The following NFATC1 variants were observed in gnomAD, a reference collection of about 807,000 sequenced individuals.
The protein encoded by NFATC1 is nuclear factor of activated T-cells, cytoplasmic 1.
Under a neutral mutation model 76.0 loss-of-function variants are expected in NFATC1, and 22 were observed. The observed-to-expected ratio is 0.29, with a 90% CI of 0.21 to 0.41. The LOEUF (loss-of-function observed/expected upper bound fraction) is 0.41, where lower values mean the gene tolerates loss of function less well. Among genes scored for constraint, NFATC1 ranks in the 10% least tolerant of loss-of-function variants. The pLI, the probability that NFATC1 is intolerant of heterozygous loss-of-function variation, is 1.00. For synonymous variants in NFATC1, 704 were observed against 613.1 expected, an observed-to-expected ratio of 1.15 and a Z score of -2.19; for missense variants, 1,357 against 1,337.7, an observed-to-expected ratio of 1.01 and a Z score of -0.23.
chr18:79,429,508 G>T (rs935201110), intron 2 of NFATC1, among the ~76,000 whole-genome samples: 8 of 152,160 alleles, frequency 5.3e-5, no homozygotes, highest in African/African-American at 1.9e-4. Context: ...TCCGGGGGAT[G>T]GGCTGGTCAG....
chr18:79,475,466 GGGAA>G (rs1337460069), intron 8 of NFATC1, among the ~76,000 whole-genome samples: 1 of 151,298 alleles, frequency 6.6e-6, no homozygotes, highest in Admixed American at 6.6e-5. Context: ...AACGTTGTGA[GGGAA>G]GGGTGTTTTC....
In NFATC1 at chr18:79,410,721, A is replaced by G. The variant is rs1293360917; in HGVS notation, c.446A>G (p.Lys149Arg). The G allele has an allele frequency of 1.9e-6, 3 of 1,612,914 alleles. No homozygotes were observed. The highest frequency in any genetic ancestry group is 1.1e-5 in the South Asian group (1 of 91,078). The change falls in exon 2 of 10, where the codon AAA (lysine) becomes AGA (arginine). Residue 149 changes from lysine (K) to arginine (R), a missense_variant. By Grantham distance (26) the Lys-to-Arg change is conservative. This residue lies in a region of NFATC1 where 691 missense variants were observed against 613.1 expected (regional missense o/e 1.13). Transcript: ENST00000427363. This position sits in a 1 kb window ranked among gnomAD's most constrained non-coding sequence, Gnocchi z 6.7. ...GTGGAAGACGTCCTCCCTAGCTCCA[A>G]ACGGTCCCCCTCCACGGCCACGCTG... Reference protein sequence around the residue: ...VEVEDVLPSSKRSPSTATLSL... With the variant: ...VEVEDVLPSSRRSPSTATLSL...
intron 8 of NFATC1, among the ~76,000 whole-genome samples, chr18:79,475,715 C>T (rs966644264): frequency 1.3e-5 from 2 of 152,210 alleles, no homozygotes; most frequent in African/African-American, 2.4e-5. Flanking sequence ...ACCAGGCCTC[C>T]CAGGAGACCT....
intron 3 of NFATC1, among the ~76,000 whole-genome samples, chr18:79,436,841 C>T (rs1416004963): frequency 6.6e-6 from 1 of 152,060 alleles, no homozygotes; most frequent in Non-Finnish European, 1.5e-5. Flanking sequence ...AGGCCAGCCC[C>T]CTCCAGTGAG....
intron 2 of NFATC1, among the ~76,000 whole-genome samples, chr18:79,432,543 G>C (rs1384790039): frequency 2.6e-5 from 4 of 152,252 alleles, no homozygotes; most frequent in Non-Finnish European, 4.4e-5. Context: ...GCAGTAGGCA[G>C]TGCTGGGGAG....
chr18:79,399,587 A>T (rs1339203873), intron 1 of NFATC1, among the ~76,000 whole-genome samples: 1 of 152,222 alleles, frequency 6.6e-6, no homozygotes, highest in Non-Finnish European at 1.5e-5. Flanking sequence ...CGCCGCGCAC[A>T]GGCTCGGGCC....
intron 2 of NFATC1, among the ~76,000 whole-genome samples, chr18:79,425,642 C>T (rs934088755): frequency 3.3e-5 from 5 of 152,136 alleles, no homozygotes; most frequent in Admixed American, 1.3e-4. Flanking sequence ...GGCGCGATTC[C>T]GGGATTCTCA....
intron 1 of NFATC1, among the ~76,000 whole-genome samples, chr18:79,408,076 T>C (rs1178214469): frequency 6.6e-6 from 1 of 152,232 alleles, no homozygotes; most frequent in Non-Finnish European, 1.5e-5. Context: ...GGCCACGGTG[T>C]GTCCTCTTAC....
At chr18:79,454,118 A>AG (rs1439962751) in intron 6 of NFATC1, among the ~76,000 whole-genome samples, 10 of 152,142 alleles carry the variant, frequency 6.6e-5, no homozygotes, top group Non-Finnish European at 1.2e-4. Context: ...TGAGCTCAGG[A>AG]GGGGAGGTTC....
At chr18:79,424,004 G>T (rs371324763) in intron 2 of NFATC1, among the ~76,000 whole-genome samples, 6 of 152,152 alleles carry the variant, frequency 3.9e-5, no homozygotes, top group African/African-American at 1.2e-4. Flanking sequence ...TCCTAAGGTT[G>T]CCCGGGCCGC....
chr18:79,451,145 G>A lies in NFATC1; in HGVS notation c.1762+19G>A, dbSNP rs373915774. 3.9e-5 allele frequency: 63 copies of A among 1,597,738 alleles called. No individual in the cohort carries two copies. The highest frequency in any genetic ancestry group is 1.8e-4 in the East Asian group (8 of 44,476). On this transcript the variant is annotated intron_variant, in intron 5 of 9. Transcript: ENST00000427363. ...GAATGCTGTAAGTGGACGTCCACGC[G>A]CCCACAGGGGAGGAAACCGTCCCGT...
In NFATC1 at chr18:79,465,705, C is replaced by T. The variant is rs993013640; in HGVS notation, c.1960-1745C>T. Among the ~76,000 whole-genome samples the T allele has an allele frequency of 1.2e-4, 19 of 152,388 alleles. No homozygotes were observed. Among genetic ancestry groups the T allele is most frequent in the African/African-American group, 4.6e-4 (19 of 41,592 alleles). On this transcript the variant is annotated intron_variant, in intron 7 of 9. Transcript: ENST00000427363. This position sits in a 1 kb window ranked among gnomAD's most constrained non-coding sequence, Gnocchi z 4.2. ...CAGCTGCTTCTGCTCTAAAGACCCA[C>T]CTGGTGTAGCTGCTGACTCCATCGC...
At chr18:79,487,136 G>C (rs1419867083) in intron 9 of NFATC1, among the ~76,000 whole-genome samples, 199 bp downstream of exon 9, 3 of 152,220 alleles carry the variant, frequency 2.0e-5, no homozygotes, top group African/African-American at 7.2e-5. Context: ...CTCGCCGTGA[G>C]ATCTGCTCCG....
At chr18:79,518,012 T>G (rs951212046) in intron 9 of NFATC1, among the ~76,000 whole-genome samples, 2 of 152,234 alleles carry the variant, frequency 1.3e-5, no homozygotes, top group Non-Finnish European at 2.9e-5. Context: ...ATCCAGTTCC[T>G]AAAAACAATT....
chr18:79,409,073 C>T (rs1438126085), intron 1 of NFATC1, among the ~76,000 whole-genome samples: 2 of 90,536 alleles, frequency 2.2e-5, no homozygotes, highest in Non-Finnish European at 5.4e-5. Context: ...CCTATCCATT[C>T]ATTCATCATC....
At chr18:79,500,683 C>A (rs2089994025) in intron 9 of NFATC1, among the ~76,000 whole-genome samples, 1 of 151,960 alleles carries the variant, frequency 6.6e-6, no homozygotes, top group Admixed American at 6.6e-5. Context: ...TTGCTACTGA[C>A]CCTGCAAAAA....
At chr18:79,414,138 A>G (rs896182061) in intron 2 of NFATC1, among the ~76,000 whole-genome samples, 1 of 152,116 alleles carries the variant, frequency 6.6e-6, no homozygotes. Flanking sequence ...CAGAGATGAA[A>G]TGTTAGTTTT....
chr18:79,457,868 G>A (rs571231477), intron 6 of NFATC1, among the ~76,000 whole-genome samples: 59 of 152,304 alleles, frequency 3.9e-4, no homozygotes, highest in East Asian at 2.9e-3. Flanking sequence ...ATGTTCCCTC[G>A]TTGGTGTGGG....
chr18:79,515,338 CAAAAAAA>C (rs75194540), intron 9 of NFATC1, among the ~76,000 whole-genome samples: 1 of 63,494 alleles, frequency 1.6e-5, no homozygotes, highest in Non-Finnish European at 3.5e-5. Flanking sequence ...GACTCCATCT[CAAAAAAA>C]AAAAAAAAAA....
Sources: gnomAD v4.1 joint callset for allele counts (sites outside exome capture counted in the v4.1 genomes callset) on GRCh38, gnomAD v4.1.1 for gene constraint, gnomAD v4.1.1 regional missense constraint, Gnocchi (gnomAD v3.1) non-coding constraint, MANE v1.5 for transcripts, NCBI Gene and HGNC (gene_info 2026-07-23, HGNC 2026-07-21) for gene names.